GRIK2: variants seen among roughly 807,000 people sequenced by gnomAD.
GRIK2 encodes the protein glutamate receptor ionotropic, kainate 2.
Under a neutral mutation model 100.3 loss-of-function variants are expected in GRIK2, and 32 were observed. The ratio of observed to expected loss-of-function variants is 0.32; its 90% CI spans 0.24 to 0.43. The LOEUF is 0.43. Ranked by LOEUF, GRIK2 falls within the 20% of genes least tolerant of loss-of-function variation. The probability of loss-of-function intolerance (pLI) is 1.00; values close to 1 mark genes in which losing one functional copy is unlikely to be tolerated. For synonymous variants in GRIK2, 417 were observed against 389.4 expected (o/e 1.07, Z -0.83); for missense variants, 843 against 1,114.9 (o/e 0.76, Z 3.47).
At chr6:101,553,037 T>G (rs6929096) in intron 2 of GRIK2, among the ~76,000 whole-genome samples, 24,009 of 152,056 alleles carry the variant, frequency 0.16, 2,170 homozygotes, top group South Asian at 0.31. Flanking sequence ...TATTTTATCC[T>G]CATTCATTTA....
chr6:102,055,327 T>C lies in GRIK2; in HGVS notation c.2312-3T>C. 1 of 1,605,644 alleles carries C rather than the reference T, an allele frequency of 6.2e-7. No individual in the cohort carries two copies. Among genetic ancestry groups the C allele is most frequent in the Non-Finnish European group, 8.5e-7 (1 of 1,173,294 alleles). On this transcript the variant is annotated splice_region_variant and splice_polypyrimidine_tract_variant and intron_variant, in intron 15 of 16. Transcript: ENST00000369134. ...ATACTTAACATAACCTCTCCTTTCT[T>C]AGGTTCTCCATATCGAGACAAAATT...
intron 2 of GRIK2, among the ~76,000 whole-genome samples, chr6:101,457,259 A>T (rs1771058331): frequency 6.6e-6 from 1 of 152,100 alleles, no homozygotes; most frequent in Non-Finnish European, 1.5e-5. Flanking sequence ...AGGTAATTGT[A>T]AGAGGGTATG....
intron 7 of GRIK2, among the ~76,000 whole-genome samples, chr6:101,763,863 A>C (rs1186726391): frequency 6.6e-6 from 1 of 151,838 alleles, no homozygotes; most frequent in African/African-American, 2.4e-5. Flanking sequence ...TGGGCCCTGC[A>C]AATTATGAAG....
chr6:101,755,458 T>G (rs1469549289), intron 7 of GRIK2, among the ~76,000 whole-genome samples: 1 of 152,094 alleles, frequency 6.6e-6, no homozygotes, highest in Non-Finnish European at 1.5e-5. Context: ...TGAGCCACCG[T>G]GCCCGGCCGC....
intron 11 of GRIK2, among the ~76,000 whole-genome samples, chr6:101,880,520 A>G (rs1301076623): frequency 1.3e-5 from 2 of 152,058 alleles, no homozygotes; most frequent in South Asian, 2.1e-4. Context: ...CTATCAGTGG[A>G]TACTGATTAA....
In GRIK2 at chr6:101,581,228, T is replaced by A. The variant is rs9498629; in HGVS notation, c.116-40721T>A. On this transcript the variant is annotated intron_variant, in intron 2 of 16. Transcript: ENST00000369134. ...CGCATATATATACATTCACACACACTCACACACATATATGTGTATATATAC... is the reference window on the plus strand; with the variant it reads ...CGCATATATATACATTCACACACACACACACACATATATGTGTATATATAC... Among the ~76,000 whole-genome samples the A allele has an allele frequency of 1.7e-3, 208 of 121,436 alleles. 1 individual carries two copies. The highest frequency in any genetic ancestry group is 8.2e-3 in the African/African-American group (202 of 24,648). The allele number at this position is 121,436 out of a possible 152,430, so 79.7% of individuals were successfully genotyped here. A position where few individuals can be genotyped will look rare whatever the true frequency, so the allele number is the denominator to read the frequency against.
intron 4 of GRIK2, among the ~76,000 whole-genome samples, chr6:101,667,681 A>G (rs1770133354): frequency 6.6e-6 from 1 of 152,190 alleles, no homozygotes; most frequent in South Asian, 2.1e-4. Context: ...TGTATCATCT[A>G]TACTGTATTA....
At chr6:101,453,219 G>A (rs989223951) in intron 2 of GRIK2, among the ~76,000 whole-genome samples, 69 of 151,270 alleles carry the variant, frequency 4.6e-4, no homozygotes, top group African/African-American at 1.4e-3. Flanking sequence ...TTTCTGTTCC[G>A]TTCCCAGTAG....
At chr6:101,473,467 T>G (rs1772061212) in intron 2 of GRIK2, among the ~76,000 whole-genome samples, 1 of 151,842 alleles carries the variant, frequency 6.6e-6, no homozygotes, top group Non-Finnish European at 1.5e-5. Context: ...ATGTAAAAAA[T>G]TCTGTTGGAC....
chr6:101,555,634 ATTTAC>A (rs1776701689), intron 2 of GRIK2, among the ~76,000 whole-genome samples: 1 of 152,270 alleles, frequency 6.6e-6, no homozygotes, highest in African/African-American at 2.4e-5. Flanking sequence ...TATAAAGCAT[ATTTAC>A]TTAATTCAGA....
At chr6:101,917,383 G>A (rs1267848735) in intron 12 of GRIK2, among the ~76,000 whole-genome samples, 1 of 151,680 alleles carries the variant, frequency 6.6e-6, no homozygotes, top group African/African-American at 2.4e-5. Flanking sequence ...TGTTGAAAAA[G>A]CACATGGCTC....
intron 14 of GRIK2, among the ~76,000 whole-genome samples, chr6:101,952,200 T>G (rs913079053): frequency 6.6e-6 from 1 of 152,198 alleles, no homozygotes; most frequent in Non-Finnish European, 1.5e-5. Context: ...GGTATTAGCT[T>G]TTTCCACTTA....
At chr6:102,059,746 CAT>C (rs1771653673) in intron 16 of GRIK2, among the ~76,000 whole-genome samples, 1 of 150,632 alleles carries the variant, frequency 6.6e-6, no homozygotes, top group South Asian at 2.1e-4. Flanking sequence ...AACAGACATA[CAT>C]AATTTTTCTT....
At chr6:102,054,750 C>A (rs1483707485) in intron 15 of GRIK2, among the ~76,000 whole-genome samples, 2 of 152,016 alleles carry the variant, frequency 1.3e-5, no homozygotes, top group Non-Finnish European at 2.9e-5. Flanking sequence ...AGTAAATCAC[C>A]ATAATGATTT....
At chr6:102,035,187 T>A (rs1365956303) in intron 14 of GRIK2, among the ~76,000 whole-genome samples, 154 bp from the exon 15 acceptor site, 1 of 110,274 alleles carries the variant, frequency 9.1e-6, no homozygotes, top group African/African-American at 4.3e-5. Context: ...GATTCAGACT[T>A]TTTTGGTATA....
chr6:101,606,325 CATAG>C (rs1203517516), intron 2 of GRIK2, among the ~76,000 whole-genome samples: 3 of 152,044 alleles, frequency 2.0e-5, no homozygotes, highest in African/African-American at 7.2e-5. Context: ...CACCTAATGT[CATAG>C]ATAGATTAGA....
At chr6:101,627,875 A>G (rs555693418) in intron 4 of GRIK2, among the ~76,000 whole-genome samples, 1 of 152,264 alleles carries the variant, frequency 6.6e-6, no homozygotes, top group Non-Finnish European at 1.5e-5. Flanking sequence ...TCAGTTAAAA[A>G]CAAGTCTCAG....
At chr6:102,064,178 C>T in intron 16 of GRIK2, 2 of 504,386 alleles carry the variant, frequency 4.0e-6, no homozygotes, top group Non-Finnish European at 7.1e-6. Flanking sequence ...GTTTCCACCC[C>T]TAAATAGTGA....
intron 3 of GRIK2, among the ~76,000 whole-genome samples, chr6:101,623,631 A>G (rs2128317508): frequency 6.6e-6 from 1 of 152,260 alleles, no homozygotes; most frequent in Non-Finnish European, 1.5e-5. Flanking sequence ...TGTTCTCACA[A>G]CAGAGTACTA....
Sources: allele counts gnomAD v4.1 joint callset (sites outside exome capture counted in the v4.1 genomes callset), GRCh38; gene constraint gnomAD v4.1.1; transcripts MANE v1.5; gene names NCBI Gene and HGNC (gene_info 2026-07-23, HGNC 2026-07-21).